CTNNA2: variants seen among roughly 807,000 people sequenced by gnomAD.
CTNNA2 encodes the protein catenin alpha 2, also known as catenin alpha-2.
A neutral mutation model predicts 101.0 loss-of-function variants in CTNNA2; 42 were observed. That is an observed-to-expected ratio of 0.42 (90% CI 0.32 to 0.54). The LOEUF (loss-of-function observed/expected upper bound fraction) is 0.54, where lower values mean the gene tolerates loss of function less well. Ranked by LOEUF, CTNNA2 falls within the 20% of genes least tolerant of loss-of-function variation. CTNNA2 has a pLI of 0.14. For synonymous variants in CTNNA2, 450 were observed against 456.4 expected, an observed-to-expected ratio of 0.99 and a Z score of 0.18; for missense variants, 871 against 1,223.1, an observed-to-expected ratio of 0.71 and a Z score of 4.29.
chr2:79,801,906 C>T (rs1353776435), intron 3 of CTNNA2, among the ~76,000 whole-genome samples: 2 of 147,960 alleles, frequency 1.4e-5, no homozygotes, highest in South Asian at 2.2e-4. Flanking sequence ...GCAGGAGAAT[C>T]GCTTGAACCC....
At chr2:80,385,533 T>C (rs1053011807) in intron 7 of CTNNA2, among the ~76,000 whole-genome samples, 5 of 152,338 alleles carry the variant, frequency 3.3e-5, no homozygotes, top group South Asian at 4.2e-4. Flanking sequence ...ATTTTTGTTA[T>C]AGCAGCTCAA....
At chr2:79,347,529 G>GT (rs931952256) in intron 3 of CTNNA2, among the ~76,000 whole-genome samples, 15 of 152,196 alleles carry the variant, frequency 9.9e-5, no homozygotes, top group Admixed American at 3.3e-4. Context: ...TGTCATTATA[G>GT]TTTTTTTCCA....
intron 7 of CTNNA2, among the ~76,000 whole-genome samples, chr2:80,018,563 T>C (rs938469522): frequency 1.3e-5 from 2 of 151,866 alleles, no homozygotes; most frequent in Non-Finnish European, 2.9e-5. Context: ...GATCACGAGG[T>C]TGGGAAATCA....
chr2:80,013,867 C>T lies in CTNNA2; in HGVS notation c.1056+104070C>T, dbSNP rs922010041. 5.3e-5 allele frequency among the ~76,000 whole-genome samples: 8 copies of T among 152,206 alleles called. 1 individual carries two copies. Among genetic ancestry groups the T allele is most frequent in the Non-Finnish European group, 1.5e-5 (1 of 68,042 alleles). The stretch of plus-strand genomic sequence containing the variant: ...TCTAGAAACGAATTCTCTCTGCTGG[C>T]TCCTCCTCCAGTAGCATGTAATTCA... On this transcript the variant is annotated intron_variant, in intron 7 of 18. Transcript: ENST00000402739.
chr2:80,441,645 A>G (rs1574049339), intron 9 of CTNNA2, among the ~76,000 whole-genome samples: 1 of 152,198 alleles, frequency 6.6e-6, no homozygotes, highest in Non-Finnish European at 1.5e-5. Flanking sequence ...ATTAGGTTCT[A>G]TAGCTTCTGA....
intron 7 of CTNNA2, among the ~76,000 whole-genome samples, chr2:80,225,358 G>A (rs1038056367): frequency 1.3e-5 from 2 of 152,134 alleles, no homozygotes; most frequent in Non-Finnish European, 2.9e-5. Context: ...TTGTGTCTCT[G>A]GGCACTGCTT....
intron 3 of CTNNA2, among the ~76,000 whole-genome samples, chr2:79,750,750 A>C (rs1476941561): frequency 6.6e-6 from 1 of 152,022 alleles, no homozygotes; most frequent in Admixed American, 6.6e-5. Flanking sequence ...AGGCACCTGT[A>C]GTCCCAGCTA....
At chr2:79,287,683 G>A (rs1217298658) in intron 2 of CTNNA2, among the ~76,000 whole-genome samples, 1 of 152,080 alleles carries the variant, frequency 6.6e-6, no homozygotes, top group African/African-American at 2.4e-5. Flanking sequence ...AGTCTGCAGA[G>A]GTTACTGCTG....
At chr2:79,809,702 T>C (rs1676855768) in intron 3 of CTNNA2, among the ~76,000 whole-genome samples, 2 of 152,162 alleles carry the variant, frequency 1.3e-5, no homozygotes, top group Non-Finnish European at 2.9e-5. Flanking sequence ...GTCAGATAGA[T>C]AGATTGCAAA....
intron 9 of CTNNA2, among the ~76,000 whole-genome samples, chr2:80,430,014 T>A (rs1681347805): frequency 6.6e-6 from 1 of 152,192 alleles, no homozygotes; most frequent in Non-Finnish European, 1.5e-5. Context: ...TGAAATCAAT[T>A]TTTTTCATAT....
At chr2:79,432,523 C>T (rs940533227) in intron 4 of CTNNA2, among the ~76,000 whole-genome samples, 1 of 152,140 alleles carries the variant, frequency 6.6e-6, no homozygotes, top group South Asian at 2.1e-4. Context: ...GCCTTTCCTT[C>T]GTTATTAGTT....
intron 9 of CTNNA2, among the ~76,000 whole-genome samples, chr2:80,527,599 C>A (rs1263290264): frequency 5.9e-5 from 9 of 152,146 alleles, no homozygotes; most frequent in Admixed American, 3.9e-4. Context: ...GAATCAGAAT[C>A]TTCTGGTGAA....
intron 7 of CTNNA2, among the ~76,000 whole-genome samples, chr2:80,242,282 A>T (rs755446873): frequency 6.6e-6 from 1 of 152,226 alleles, no homozygotes; most frequent in Non-Finnish European, 1.5e-5. Context: ...TCACTGTGGC[A>T]TAACTCTTGC....
At chr2:79,243,570 T>C (rs922935614) in intron 2 of CTNNA2, among the ~76,000 whole-genome samples, 1 of 152,184 alleles carries the variant, frequency 6.6e-6, no homozygotes, top group African/African-American at 2.4e-5. Context: ...GGCATTAGGA[T>C]TGTGGTGGTG....
At chr2:79,468,211 A>AAGGC (rs1670960018) in intron 4 of CTNNA2, among the ~76,000 whole-genome samples, 1 of 152,238 alleles carries the variant, frequency 6.6e-6, no homozygotes, top group Non-Finnish European at 1.5e-5. Context: ...AGAATAAAAA[A>AAGGC]AGGCAGGGGT....
chr2:79,969,472 C>T (rs748332073), intron 7 of CTNNA2, among the ~76,000 whole-genome samples: 8 of 152,114 alleles, frequency 5.3e-5, no homozygotes, highest in Non-Finnish European at 7.4e-5. Context: ...TTCAATAACG[C>T]GGTTAAAAGA....
intron 4 of CTNNA2, among the ~76,000 whole-genome samples, chr2:79,482,424 T>C (rs1671119046): frequency 6.6e-6 from 1 of 152,178 alleles, no homozygotes; most frequent in African/African-American, 2.4e-5. Flanking sequence ...TACTAGGGAT[T>C]TGGAAACGTG....
intron 3 of CTNNA2, among the ~76,000 whole-genome samples, chr2:79,853,129 A>G (rs546281989): frequency 6.6e-6 from 1 of 152,054 alleles, no homozygotes; most frequent in Non-Finnish European, 1.5e-5. Context: ...CAGCCTCCCA[A>G]AGTGCTGGGA....
chr2:80,000,099 C>G (rs1052527004), intron 7 of CTNNA2, among the ~76,000 whole-genome samples: 1 of 152,072 alleles, frequency 6.6e-6, no homozygotes, highest in African/African-American at 2.4e-5. Context: ...TTTTTGGCCA[C>G]TGATGGGATG....
Sources: allele counts gnomAD v4.1 joint callset (sites outside exome capture counted in the v4.1 genomes callset), GRCh38; gene constraint gnomAD v4.1.1; transcripts MANE v1.5; gene names NCBI Gene and HGNC (gene_info 2026-07-23, HGNC 2026-07-21).